The following THSD7A variants were observed in gnomAD, a reference collection of about 807,000 sequenced individuals.
The protein encoded by THSD7A is thrombospondin type 1 domain containing 7A, also known as thrombospondin type-1 domain-containing protein 7A.
In THSD7A, 96 loss-of-function variants were observed where a neutral mutation model predicts 231.3. That is an observed-to-expected ratio of 0.41 (90% CI 0.35 to 0.49). The LOEUF (loss-of-function observed/expected upper bound fraction) is 0.49, where lower values mean the gene tolerates loss of function less well. Among genes scored for constraint, THSD7A ranks in the 20% least tolerant of loss-of-function variants. The pLI, the probability that THSD7A is intolerant of heterozygous loss-of-function variation, is 0.05. For synonymous variants in THSD7A, 940 were observed against 743.3 expected (o/e 1.26, Z -4.30); for missense variants, 2,290 against 2,070.2 (o/e 1.11, Z -2.06).
In THSD7A at chr7:11,634,962, GA is replaced by G. The variant is rs980294121; in HGVS notation, c.1022+1167del. 2.0e-5 allele frequency among the ~76,000 whole-genome samples: 3 copies of G among 151,476 alleles called. No individual in the cohort carries two copies. Among genetic ancestry groups the G allele is most frequent in the Non-Finnish European group, 4.4e-5 (3 of 67,838 alleles). On this transcript the variant is annotated intron_variant, in intron 2 of 27. Transcript: ENST00000423059. This position sits in a 1 kb window ranked among gnomAD's most constrained non-coding sequence, Gnocchi z 4.1. The stretch of plus-strand genomic sequence containing the variant: ...ATAGATTGAAAAAAAAATCAGGTGA[GA>G]AAAAAAATAAAGCTAAATAAAGCTA...
intron 2 of THSD7A, among the ~76,000 whole-genome samples, 179 bp downstream of exon 2, chr7:11,635,951 G>C (rs1431670839): frequency 6.6e-6 from 1 of 151,684 alleles, no homozygotes; most frequent in African/African-American, 2.4e-5. Flanking sequence ...CCTAAATGTG[G>C]ACACAATAGA....
At chr7:11,622,247 T>TA (rs1221809671) in intron 2 of THSD7A, among the ~76,000 whole-genome samples, 2 of 152,102 alleles carry the variant, frequency 1.3e-5, no homozygotes, top group African/African-American at 2.4e-5. Context: ...CATTATTCAA[T>TA]ATAACCCCAT....
At chr7:11,410,185 C>G (rs570448121) in intron 19 of THSD7A, among the ~76,000 whole-genome samples, 2 of 152,286 alleles carry the variant, frequency 1.3e-5, no homozygotes, top group South Asian at 4.1e-4. Context: ...TTGCAGGAGG[C>G]ATTTATTAAC....
Position 11,476,318 on chromosome 7 carries a change from TACACACACAC to T in THSD7A, c.2018-1760_2018-1751del, listed in dbSNP as rs59127235. The stretch of plus-strand genomic sequence containing the variant: ...AACCAGAAGTCAAGCCTCTGGAAGA[TACACACACAC>T]ACACACACACACACACACACACACA... On this transcript the variant is annotated intron_variant, in intron 7 of 27. Transcript: ENST00000423059. Among the ~76,000 whole-genome samples, 1,064 of 137,378 alleles carry T rather than the reference TACACACACAC, an allele frequency of 7.7e-3. 18 individuals are homozygous for T. Among genetic ancestry groups the T allele is most frequent in the African/African-American group, 0.026 (983 of 37,584 alleles). 90.1% of individuals were successfully genotyped at this position (137,378 alleles called of 152,430 possible).
intron 6 of THSD7A, among the ~76,000 whole-genome samples, chr7:11,526,675 T>G (rs1397166173): frequency 6.6e-6 from 1 of 152,152 alleles, no homozygotes; most frequent in African/African-American, 2.4e-5. Context: ...GCTGATGGTT[T>G]TAAAAGTGTT....
At chr7:11,401,990 T>G (rs772693274) in intron 22 of THSD7A, 22 bp from the exon 23 acceptor site, 3 of 1,604,234 alleles carry the variant, frequency 1.9e-6, no homozygotes, top group Non-Finnish European at 2.6e-6. Context: ...ATATTTGTAA[T>G]TTACACCCAT....
intron 9 of THSD7A, among the ~76,000 whole-genome samples, chr7:11,466,516 A>G (rs39192): frequency 0.41 from 62,411 of 151,940 alleles, 13,166 homozygotes; most frequent in South Asian, 0.59. Context: ...CTGTTATCCA[A>G]CAATGACCCT....
chr7:11,621,289 T>C (rs138193447), intron 2 of THSD7A, among the ~76,000 whole-genome samples: 162 of 152,280 alleles, frequency 1.1e-3, no homozygotes, highest in Non-Finnish European at 2.0e-3. Context: ...CAATACTGCG[T>C]TTCCAAATCA....
intron 3 of THSD7A, among the ~76,000 whole-genome samples, chr7:11,591,094 A>G (rs573366200): frequency 1.3e-5 from 2 of 152,032 alleles, no homozygotes; most frequent in African/African-American, 2.4e-5. Flanking sequence ...TTATGCTTGT[A>G]TATTAGGGTT....
chr7:11,409,641 G>GGAGT (rs1274855955), intron 19 of THSD7A, among the ~76,000 whole-genome samples: 1 of 152,144 alleles, frequency 6.6e-6, no homozygotes, highest in Non-Finnish European at 1.5e-5. Context: ...TTCCGACCAA[G>GGAGT]GAGTACATTT....
At chr7:11,436,138 A>G (rs1784624893) in intron 13 of THSD7A, among the ~76,000 whole-genome samples, 1 of 152,048 alleles carries the variant, frequency 6.6e-6, no homozygotes, top group African/African-American at 2.4e-5. Context: ...ATGATGTTGA[A>G]AATCAGATGC....
rs781651533 is a variant in THSD7A at position 11,636,788 on chromosome 7, A to G, written c.364T>C (p.Tyr122His). ...TTCCAAGGTCCCAGTCTCCAGTCGT[A>G]CAACTCTTTGTGCCAATCGCAAACT... Reference protein sequence around the residue: ...FKVCDWHKELYDWRLGPWNQC... With the variant: ...FKVCDWHKELHDWRLGPWNQC... The change falls in exon 2 of 28, where the codon TAC (tyrosine) becomes CAC (histidine). Residue 122 changes from tyrosine to histidine, a missense_variant. By Grantham distance (83) the Tyr-to-His change is moderately conservative. Coordinates refer to ENST00000423059, the MANE Select transcript of THSD7A (RefSeq NM_015204.3). The surrounding 1 kb of genome is among the most constrained non-coding windows in gnomAD (Gnocchi z 10.0). The G allele has an allele frequency of 1.1e-5, 18 of 1,613,872 alleles. No homozygotes were observed. Among genetic ancestry groups the G allele is most frequent in the Non-Finnish European group, 1.4e-5 (17 of 1,179,892 alleles).
chr7:11,809,853 GATAA>G (rs1784483684), intron 1 of THSD7A, among the ~76,000 whole-genome samples: 1 of 152,218 alleles, frequency 6.6e-6, no homozygotes, highest in South Asian at 2.1e-4. Flanking sequence ...CGTGGCTCAA[GATAA>G]ATAGAGCTGA....
At chr7:11,754,666 A>G (rs1163867287) in intron 1 of THSD7A, among the ~76,000 whole-genome samples, 1 of 152,130 alleles carries the variant, frequency 6.6e-6, no homozygotes. Context: ...CAAAATCTGT[A>G]CAAGTGCAAT....
At chr7:11,758,618 G>A (rs532284345) in intron 1 of THSD7A, among the ~76,000 whole-genome samples, 22 of 152,066 alleles carry the variant, frequency 1.4e-4, no homozygotes, top group African/African-American at 3.6e-4. Flanking sequence ...GAATGTATCC[G>A]TAACTACAGA....
At chr7:11,609,890 T>C (rs1780865191) in intron 2 of THSD7A, among the ~76,000 whole-genome samples, 1 of 152,158 alleles carries the variant, frequency 6.6e-6, no homozygotes, top group Non-Finnish European at 1.5e-5. Flanking sequence ...TAAAAAGACC[T>C]GCATATCTGT....
At chr7:11,766,503 C>G (rs1783033228) in intron 1 of THSD7A, among the ~76,000 whole-genome samples, 1 of 152,094 alleles carries the variant, frequency 6.6e-6, no homozygotes, top group South Asian at 2.1e-4. Context: ...AGATGACTTT[C>G]AGAAATAACT....
At position 11,593,286 on chromosome 7, in the gene THSD7A, C is replaced by G; in HGVS notation, c.1239G>C (p.Leu413Phe). The change falls in exon 3 of 28, where the codon TTG (leucine) becomes TTC (phenylalanine). Residue 413 changes from leucine to phenylalanine, a missense_variant. Leu to Phe is a conservative substitution (Grantham distance 22). Coordinates refer to ENST00000423059, the MANE Select transcript of THSD7A (RefSeq NM_015204.3). Reference sequence around the variant, plus strand: ...AGGGGACAACTCCATCTCCTTGAGACAAACAGGGTTCTTTTTCTTCAAATT... The same window carrying G: ...AGGGGACAACTCCATCTCCTTGAGAGAAACAGGGTTCTTTTTCTTCAAATT... ...CPEFEEKEPC[L>F]SQGDGVVPCA... The G allele has an allele frequency of 6.2e-7, 1 of 1,613,996 alleles. No individual in the cohort carries two copies. The highest frequency in any genetic ancestry group is 8.5e-7 in the Non-Finnish European group (1 of 1,179,882).
Position 11,698,075 on chromosome 7 carries a change from G to A in THSD7A, c.191-61114C>T, listed in dbSNP as rs184770255. Among the ~76,000 whole-genome samples the A allele has an allele frequency of 1.6e-3, 242 of 151,368 alleles. 6 individuals carry two copies. The Middle Eastern group carries it at 0.017, about 11-fold the overall frequency. ...TATAGACTCTGACGCTTAATATTGT[G>A]GATCTGCTGGCATGTCTGATTCTGT... is the stretch of plus-strand genomic sequence containing the variant. On this transcript the variant is annotated intron_variant, in intron 1 of 27. Coordinates refer to ENST00000423059, the MANE Select transcript of THSD7A (RefSeq NM_015204.3).
Sources: allele counts gnomAD v4.1 joint callset (sites outside exome capture counted in the v4.1 genomes callset), GRCh38; gene constraint gnomAD v4.1.1; non-coding constraint Gnocchi (gnomAD v3.1); transcripts MANE v1.5; gene names NCBI Gene and HGNC (gene_info 2026-07-23, HGNC 2026-07-21).